The following MYOCD variants were observed in gnomAD, a reference collection of about 807,000 sequenced individuals.
MYOCD encodes myocardin.
MYOCD carries 32 observed loss-of-function variants against 96.1 expected under a neutral mutation model. That is an observed-to-expected ratio of 0.33 (90% CI 0.25 to 0.45). MYOCD has a LOEUF of 0.45. Among genes scored for constraint, MYOCD ranks in the 20% least tolerant of loss-of-function variants. The pLI, the probability that MYOCD is intolerant of heterozygous loss-of-function variation, is 1.00. For missense variants in MYOCD, 1,133 were observed against 1,200.6 expected (o/e 0.94, Z 0.83); for synonymous variants, 469 against 469.0 (o/e 1.00, Z 0.00).
chr17:12,767,114 A>C lies in MYOCD; in HGVS notation c.*3470A>C, dbSNP rs1024650764. 6.6e-6 allele frequency: 1 copy of C among 152,186 alleles called. No individual in the cohort carries two copies. Among genetic ancestry groups the C allele is most frequent in the Non-Finnish European group, 1.5e-5 (1 of 68,048 alleles). The allele number at this position is 152,186 out of a possible 1,614,324, so 9.4% of individuals were successfully genotyped here. A position where few individuals can be genotyped will look rare whatever the true frequency, so the allele number is the denominator to read the frequency against. On this transcript the variant is annotated 3_prime_UTR_variant, in exon 14 of 14. Transcript: ENST00000425538. ...AAAAAAGGGCCAAACTTTCTGATCT[A>C]TGAACTTCTCAGTTCAGCTGTCACA...
At chr17:12,736,869 A>G (rs908363336) in intron 6 of MYOCD, among the ~76,000 whole-genome samples, 1 of 152,186 alleles carries the variant, frequency 6.6e-6, no homozygotes, top group Non-Finnish European at 1.5e-5. Context: ...CAACCCAACC[A>G]TAACATTCAC....
In MYOCD at chr17:12,713,974, T is replaced by A. The variant is rs1459055307; in HGVS notation, c.122-1545T>A. ...AGATAACTGAAAAACAATTTCTAGA[T>A]CAATGGTATTCAAGAAGCATGTTCA... On this transcript the variant is annotated intron_variant, in intron 2 of 13. Transcript: ENST00000425538. Among the ~76,000 whole-genome samples the A allele has an allele frequency of 3.3e-5, 5 of 152,166 alleles. No individual in the cohort carries two copies. In the East Asian group the frequency reaches 9.7e-4, roughly 29 times the overall value.
chr17:12,757,728 A>G (rs968248472), intron 11 of MYOCD, among the ~76,000 whole-genome samples: 5 of 152,122 alleles, frequency 3.3e-5, no homozygotes, highest in Non-Finnish European at 5.9e-5. Flanking sequence ...TCCTGACCTC[A>G]GGTGATCTGC....
At chr17:12,707,274 A>G (rs920072284) in intron 2 of MYOCD, among the ~76,000 whole-genome samples, 5 of 152,230 alleles carry the variant, frequency 3.3e-5, no homozygotes, top group African/African-American at 1.2e-4. Flanking sequence ...GATATTTTCA[A>G]TTCAATATAA....
chr17:12,746,228 G>T (rs2032661264), intron 9 of MYOCD, among the ~76,000 whole-genome samples, 156 bp downstream of exon 9: 1 of 152,154 alleles, frequency 6.6e-6, no homozygotes, highest in Non-Finnish European at 1.5e-5. Context: ...ATCCTGCTGT[G>T]GTTGAACACC....
At chr17:12,691,193 A>G (rs1223244150) in intron 1 of MYOCD, among the ~76,000 whole-genome samples, 2 of 152,226 alleles carry the variant, frequency 1.3e-5, no homozygotes, top group Non-Finnish European at 2.9e-5. Flanking sequence ...GTGACTCAGT[A>G]ACAGCCACAG....
At chr17:12,735,121 A>G (rs1409402846) in intron 5 of MYOCD, among the ~76,000 whole-genome samples, 2 of 152,208 alleles carry the variant, frequency 1.3e-5, no homozygotes, top group African/African-American at 4.8e-5. Context: ...TGCCTTTGCA[A>G]TCCCTGCGGT....
intron 9 of MYOCD, among the ~76,000 whole-genome samples, chr17:12,748,160 CAAAAAAAA>C (rs58002174): frequency 1.1e-5 from 1 of 90,596 alleles, no homozygotes; most frequent in African/African-American, 3.9e-5. Context: ...GACTCCGTCT[CAAAAAAAA>C]AAAAAAAAAA....
chr17:12,763,392 G>A lies in MYOCD; in HGVS notation c.2709G>A (p.Glu903=), dbSNP rs2033243602. 2 of 1,603,522 alleles carry A rather than the reference G, an allele frequency of 1.2e-6. No homozygotes were observed. The highest frequency in any genetic ancestry group is 1.7e-6 in the Non-Finnish European group (2 of 1,173,996). Residue 903 remains glutamate (E), a synonymous_variant, in exon 14 of 14, where the codon GAG becomes GAA. Coordinates refer to ENST00000425538, the MANE Select transcript of MYOCD (RefSeq NM_001146312.3). ...CAGAAGACCTCTTCAATGCACATGA[G>A]ATCTTGCCAGGCCCCCTCTCTCCAA... ...KAAEDLFNAH[E]ILPGPLSPMQ... is the part of the protein sequence containing the mutation.
chr17:12,717,454 G>A (rs1426585420), intron 4 of MYOCD, 33 bp downstream of exon 4: 1 of 1,547,532 alleles, frequency 6.5e-7, no homozygotes, highest in Admixed American at 1.7e-5. Context: ...ACCAAGAGAT[G>A]CTGCAGAATG....
intron 4 of MYOCD, among the ~76,000 whole-genome samples, chr17:12,721,095 CTTTT>C (rs893561222): frequency 1.4e-5 from 2 of 140,336 alleles, no homozygotes; most frequent in South Asian, 4.6e-4. Context: ...TTTTTGCACA[CTTTT>C]TTTTTTTAGC....
intron 4 of MYOCD, among the ~76,000 whole-genome samples, chr17:12,721,573 CAGA>C (rs2031841927): frequency 1.3e-5 from 2 of 152,184 alleles, no homozygotes; most frequent in East Asian, 1.9e-4. Context: ...ACATAGAGGA[CAGA>C]AGGATAAGGA....
chr17:12,701,322 G>GA (rs2031062275), intron 1 of MYOCD, among the ~76,000 whole-genome samples: 1 of 152,140 alleles, frequency 6.6e-6, no homozygotes, highest in Admixed American at 6.5e-5. Context: ...AGAGGCAGGG[G>GA]AATCGCTTGA....
Position 12,760,704 on chromosome 17 carries a change from G to A in MYOCD, c.2386G>A (p.Gly796Arg), listed in dbSNP as rs747551736. ...ACTCCTGGACGTGCTTATTGAAAGC[G>A]GAGGTAAGACTGCCTGTGTCCTGTC... Reference protein sequence around the residue: ...DELLDVLIESGEMPADAREDH... With the variant: ...DELLDVLIESREMPADAREDH... The change falls in exon 13 of 14, where the codon GGA (glycine) becomes AGA (arginine). Residue 796 changes from glycine to arginine, a missense_variant. Physicochemically the swap from Gly to Arg is moderately radical, Grantham distance 125. Transcript: ENST00000425538. 56 of 1,613,420 alleles carry A rather than the reference G, an allele frequency of 3.5e-5. No homozygotes were observed. Among genetic ancestry groups the A allele is most frequent in the Admixed American group, 2.2e-4 (13 of 59,974 alleles).
chr17:12,710,921 C>G (rs1362804325), intron 2 of MYOCD, among the ~76,000 whole-genome samples: 1 of 152,146 alleles, frequency 6.6e-6, no homozygotes, highest in East Asian at 1.9e-4. Context: ...AACTAGAAAA[C>G]TAGTCATTAC....
At chr17:12,728,005 G>T (rs1050236692) in intron 5 of MYOCD, among the ~76,000 whole-genome samples, 1 of 152,182 alleles carries the variant, frequency 6.6e-6, no homozygotes, top group East Asian at 1.9e-4. Flanking sequence ...CCTCCTCGGG[G>T]CTGTATCTGA....
At chr17:12,729,252 C>T (rs182926773) in intron 5 of MYOCD, among the ~76,000 whole-genome samples, 3 of 152,284 alleles carry the variant, frequency 2.0e-5, no homozygotes, top group East Asian at 3.9e-4. Flanking sequence ...CTGAGGCATA[C>T]GTGACAAATA....
chr17:12,717,516 T>TA, intron 4 of MYOCD, 95 bp downstream of exon 4: 1 of 1,004,374 alleles, frequency 1.0e-6, no homozygotes, highest in African/African-American at 1.6e-5. Flanking sequence ...TAAGCCCTCT[T>TA]AAAAATCTCC....
chr17:12,730,425 G>A (rs1324292769), intron 5 of MYOCD, among the ~76,000 whole-genome samples: 1 of 150,004 alleles, frequency 6.7e-6, no homozygotes, highest in African/African-American at 2.5e-5. Context: ...TCCAGCTTGG[G>A]CGATGAGCGA....
Sources: gnomAD v4.1 joint callset for allele counts (sites outside exome capture counted in the v4.1 genomes callset) on GRCh38, gnomAD v4.1.1 for gene constraint, MANE v1.5 for transcripts, NCBI Gene and HGNC (gene_info 2026-07-23, HGNC 2026-07-21) for gene names.